The following IPO9 variants were observed in gnomAD, a reference collection of about 807,000 sequenced individuals.
The protein encoded by IPO9 is importin 9.
A neutral mutation model predicts 128.6 loss-of-function variants in IPO9; 28 were observed. That is an observed-to-expected ratio of 0.22 (90% CI 0.16 to 0.30). The LOEUF (loss-of-function observed/expected upper bound fraction) is 0.30. Ranked by LOEUF, IPO9 falls within the 10% of genes least tolerant of loss-of-function variation. The probability of loss-of-function intolerance (pLI) is 1.00; values close to 1 mark genes in which losing one functional copy is unlikely to be tolerated. For synonymous variants in IPO9, 455 were observed against 475.8 expected (o/e 0.96, Z 0.57); for missense variants, 935 against 1,293.9 (o/e 0.72, Z 4.26).
chr1:201,855,038 A>G (rs938610974), intron 8 of IPO9, 86 bp from the exon 9 acceptor site: 20 of 1,298,768 alleles, frequency 1.5e-5, no homozygotes, highest in Non-Finnish European at 2.1e-5. Flanking sequence ...TAAGGTGTCT[A>G]CTTTTAGTGT....
intron 1 of IPO9, among the ~76,000 whole-genome samples, chr1:201,844,254 A>G (rs1228756851): frequency 6.6e-6 from 1 of 152,198 alleles, no homozygotes; most frequent in African/African-American, 2.4e-5. Context: ...GTACTCCCTA[A>G]TATGATATAC....
At chr1:201,856,492 A>G (rs1446677396) in intron 10 of IPO9, among the ~76,000 whole-genome samples, 1 of 152,234 alleles carries the variant, frequency 6.6e-6, no homozygotes, top group Admixed American at 6.5e-5. Flanking sequence ...GACTTAATCT[A>G]TTCAGAAAAT....
Position 201,874,324 on chromosome 1 carries a change from A to T in IPO9, c.2785A>T (p.Met929Leu). 6.2e-7 allele frequency: 1 copy of T among 1,614,048 alleles called. No individual in the cohort carries two copies. Among genetic ancestry groups the T allele is most frequent in the Non-Finnish European group, 8.5e-7 (1 of 1,179,934 alleles). ...GATCATCAACGAGCTCTCCAACGTC[A>T]TGGAGGCTAATGCCGCTCGCCAGGC... ...KLIINELSNV[M>L]EANAARQATP... The change falls in exon 21 of 24, where the codon ATG (methionine) becomes TTG (leucine). Residue 929 changes from methionine (M) to leucine (L), a missense_variant. Met to Leu is a conservative substitution (Grantham distance 15). Transcript: ENST00000361565.
intron 14 of IPO9, 136 bp from the exon 15 acceptor site, chr1:201,866,597 G>C: frequency 1.6e-6 from 1 of 624,434 alleles, no homozygotes; most frequent in African/African-American, 1.8e-5. Flanking sequence ...CATCCAGAAA[G>C]AAGTAGAAAC....
chr1:201,876,304 C>T lies in IPO9; in HGVS notation c.*250C>T, dbSNP rs1043823. ...CCATCTCTAGAACCTTTTTTCTCCCCGACTCTACCCCCACCTCTGTTCCTA... is the reference window on the plus strand; with the variant it reads ...CCATCTCTAGAACCTTTTTTCTCCCTGACTCTACCCCCACCTCTGTTCCTA... On this transcript the variant is annotated 3_prime_UTR_variant, in exon 24 of 24. Transcript: ENST00000361565. 54,876 of 605,000 alleles carry T rather than the reference C, an allele frequency of 0.091. 2,897 individuals carry two copies. The highest frequency in any genetic ancestry group is 0.14 in the Admixed American group (6,269 of 44,118). The allele number at this position is 605,000 out of a possible 1,614,324, so 37.5% of individuals were successfully genotyped here. A position where few individuals can be genotyped will look rare whatever the true frequency, so the allele number is the denominator to read the frequency against.
Position 201,857,080 on chromosome 1 carries a change from A to G in IPO9, c.1123-16A>G, listed in dbSNP as rs764500526. ...CAGATTGGCAGCATCACAAAGACAT[A>G]ACTTGATCTTTTCAGATTAAAGTAT... On this transcript the variant is annotated splice_polypyrimidine_tract_variant and intron_variant, in intron 10 of 23. Transcript: ENST00000361565. The G allele has an allele frequency of 2.7e-6, 4 of 1,474,748 alleles. No individual in the cohort carries two copies. The Admixed American group carries it at 6.7e-5, about 25-fold the overall frequency. 91.4% of individuals were successfully genotyped at this position (1,474,748 alleles called of 1,614,324 possible).
Position 201,858,498 on chromosome 1 carries a change from G to A in IPO9, c.1273G>A (p.Ala425Thr). ...AAGTGCAGCAGCCCTGGCTGCTGCA[G>A]CCACTCGACATTTACAAGAAGCTGA... ...NESAAALAAA[A>T]TRHLQEAEQT... Residue 425 changes from alanine to threonine, a missense_variant, in exon 12 of 24, where the codon GCC becomes ACC. By Grantham distance (58) the Ala-to-Thr change is moderately conservative. Around this residue, in one of 3 missense-constraint regions of IPO9, gnomAD observed 741 missense variants for 1,019.1 expected, o/e 0.73. Transcript: ENST00000361565. The A allele has an allele frequency of 5.6e-6, 9 of 1,598,560 alleles. No individual in the cohort carries two copies. Among genetic ancestry groups the A allele is most frequent in the Non-Finnish European group, 7.7e-6 (9 of 1,173,100 alleles).
Position 201,866,866 on chromosome 1 carries a change from T to C in IPO9, c.1762T>C (p.Cys588Arg). The C allele has an allele frequency of 6.2e-7, 1 of 1,614,164 alleles. No homozygotes were observed. The highest frequency in any genetic ancestry group is 1.6e-4 in the Middle Eastern group (1 of 6,062). ...EVLNLVMETL[C>R]IVCTVDPEFT... Reference sequence around the variant, plus strand: ...CCTCAACCTGGTGATGGAGACCCTGTGCATCGTTTGTACAGTAGACCCCGA... The same window carrying C: ...CCTCAACCTGGTGATGGAGACCCTGCGCATCGTTTGTACAGTAGACCCCGA... Residue 588 changes from cysteine to arginine, a missense_variant, in exon 15 of 24, where the codon TGC becomes CGC. Coordinates refer to ENST00000361565, the MANE Select transcript of IPO9 (RefSeq NM_018085.5).
At chr1:201,852,042 C>A in intron 4 of IPO9, 62 bp from the exon 5 acceptor site, 1 of 1,059,570 alleles carries the variant, frequency 9.4e-7, no homozygotes, top group Non-Finnish European at 1.4e-6. Flanking sequence ...CAGAAAATAT[C>A]ACACTTAATA....
At chr1:201,862,318 C>T (rs1680464737) in intron 13 of IPO9, among the ~76,000 whole-genome samples, 1 of 151,812 alleles carries the variant, frequency 6.6e-6, no homozygotes, top group South Asian at 2.1e-4. Context: ...ATTAGCCAGG[C>T]GTGGTGGTAC....
rs1339876396 is a variant in IPO9, at chr1:201,875,070, A to T, written c.2939-82A>T. 5 of 1,404,296 alleles carry T rather than the reference A, an allele frequency of 3.6e-6. No homozygotes were observed. The African/African-American group carries it at 7.1e-5, about 20-fold the overall frequency. 87.0% of individuals were successfully genotyped at this position (1,404,296 alleles called of 1,614,324 possible). ...CTTGGGCTTTTGCACCTTCCGCCTCAGTCATGTGGTAGTATATCACCACTC... is the reference window on the plus strand; with the variant it reads ...CTTGGGCTTTTGCACCTTCCGCCTCTGTCATGTGGTAGTATATCACCACTC... On this transcript the variant is annotated intron_variant, in intron 22 of 23. Transcript: ENST00000361565.
Position 201,878,275 on chromosome 1 carries a change from C to G in IPO9, c.*2221C>G, listed in dbSNP as rs1290780868. On this transcript the variant is annotated 3_prime_UTR_variant, in exon 24 of 24. Coordinates refer to ENST00000361565, the MANE Select transcript of IPO9 (RefSeq NM_018085.5). ...GCCTTGCAGACTCCATAGTTTATCT[C>G]AAGGCAGTGCCAGTCGGATTTGGTG... is the stretch of plus-strand genomic sequence containing the variant. 6.6e-6 allele frequency: 1 copy of G among 152,492 alleles called. No homozygotes were observed. The highest frequency in any genetic ancestry group is 1.5e-5 in the Non-Finnish European group (1 of 68,056). The allele number at this position is 152,492 out of a possible 1,614,324, so 9.4% of individuals were successfully genotyped here.
In IPO9 at chr1:201,855,188, TA is replaced by T. The variant is rs1174517182; in HGVS notation, c.970+7del. 3 of 1,568,038 alleles carry T rather than the reference TA, an allele frequency of 1.9e-6. No individual in the cohort carries two copies. The Admixed American group carries it at 5.1e-5, about 26-fold the overall frequency. On this transcript the variant is annotated splice_region_variant and intron_variant, in intron 9 of 23. Transcript: ENST00000361565. ...AGATCCTGTGGATTCTGATGGTATG[TA>T]GTTTATTTGATCTTTATAGAAATAC...
chr1:201,846,627 C>G (rs560765937), intron 1 of IPO9, among the ~76,000 whole-genome samples: 1 of 152,102 alleles, frequency 6.6e-6, no homozygotes, highest in Admixed American at 6.6e-5. Context: ...CCTGCCTTGG[C>G]CTCCCAAAGT....
intron 1 of IPO9, among the ~76,000 whole-genome samples, chr1:201,834,398 T>G (rs535186224): frequency 1.1e-4 from 17 of 152,186 alleles, no homozygotes; most frequent in Admixed American, 2.0e-4. Flanking sequence ...CTTTTTCTTT[T>G]GTTTTTGTCT....
Position 201,857,316 on chromosome 1 carries a change from T to C in IPO9, c.1221+122T>C, listed in dbSNP as rs111819981. 8.8e-5 allele frequency: 58 copies of C among 661,092 alleles called. 1 individual carries two copies. Among genetic ancestry groups the C allele is most frequent in the African/African-American group, 8.5e-4 (47 of 55,318 alleles). The allele number at this position is 661,092 out of a possible 1,614,324, so 41.0% of individuals were successfully genotyped here. A position where few individuals can be genotyped will look rare whatever the true frequency, so the allele number is the denominator to read the frequency against. On this transcript the variant is annotated intron_variant, in intron 11 of 23. Transcript: ENST00000361565. Reference sequence around the variant, plus strand: ...TTGGGTGGCTTTATCTCAGACTTTATTGGGGATGCAAGAGAGTTTCTGAAA... The same window carrying C: ...TTGGGTGGCTTTATCTCAGACTTTACTGGGGATGCAAGAGAGTTTCTGAAA...
At chr1:201,860,747 A>G (rs1680428774) in intron 13 of IPO9, among the ~76,000 whole-genome samples, 1 of 152,258 alleles carries the variant, frequency 6.6e-6, no homozygotes, top group Non-Finnish European at 1.5e-5. Flanking sequence ...AATATTTAAC[A>G]TACTAAAGAT....
intron 16 of IPO9, 146 bp from the exon 17 acceptor site, chr1:201,869,444 A>G: frequency 3.3e-6 from 3 of 921,820 alleles, no homozygotes; most frequent in Non-Finnish European, 4.9e-6. Context: ...TACCCATTTA[A>G]TTATTCCTTT....
chr1:201,841,246 G>A (rs184546854), intron 1 of IPO9, among the ~76,000 whole-genome samples: 1 of 152,236 alleles, frequency 6.6e-6, no homozygotes, highest in East Asian at 1.9e-4. Flanking sequence ...GTAGGTTACA[G>A]TTAAAAAAAC....
Sources: allele counts gnomAD v4.1 joint callset (sites outside exome capture counted in the v4.1 genomes callset), GRCh38; gene constraint gnomAD v4.1.1; regional missense constraint gnomAD v4.1.1; transcripts MANE v1.5; gene names NCBI Gene and HGNC (gene_info 2026-07-23, HGNC 2026-07-21).